Variants in SLC66A3 observed in about 807,000 individuals in gnomAD.
The protein encoded by SLC66A3 is solute carrier family 66 member 3.
SLC66A3 carries 23 observed loss-of-function variants against 25.5 expected under a neutral mutation model. The ratio of observed to expected loss-of-function variants is 0.90; its 90% CI spans 0.65 to 1.28. The LOEUF (loss-of-function observed/expected upper bound fraction) is 1.28, where lower values mean the gene tolerates loss of function less well. Among genes scored for constraint, SLC66A3 ranks in the 50% most tolerant of loss-of-function variants. The pLI is 0.00. For missense variants in SLC66A3, 246 were observed against 262.1 expected (o/e 0.94, Z 0.42); for synonymous variants, 108 against 112.6 (o/e 0.96, Z 0.26).
intron 4 of SLC66A3, among the ~76,000 whole-genome samples, chr2:11,165,943 T>G (rs900581442): frequency 1.3e-5 from 2 of 152,196 alleles, no homozygotes; most frequent in Non-Finnish European, 2.9e-5. Flanking sequence ...GCAGGGAGGT[T>G]GCAGTGAGCC....
At position 11,163,443 on chromosome 2, in the gene SLC66A3, C is replaced by T. The variant is rs80095191; in HGVS notation, c.297-761C>T. ...TGATCAGGCTGTGAGTATTTAGTTC[C>T]ACTGACTTTTAGCACAGGGCATTGT... On this transcript the variant is annotated intron_variant, in intron 3 of 6. Coordinates refer to ENST00000295083, the MANE Select transcript of SLC66A3 (RefSeq NM_152391.5). Among the ~76,000 whole-genome samples the T allele has an allele frequency of 6.6e-3, 1,003 of 152,302 alleles. 7 individuals are homozygous for T. The highest frequency in any genetic ancestry group is 0.023 in the African/African-American group (969 of 41,554).
chr2:11,176,120 T>C (rs968390813), intron 6 of SLC66A3, among the ~76,000 whole-genome samples: 1 of 152,182 alleles, frequency 6.6e-6, no homozygotes, highest in African/African-American at 2.4e-5. Flanking sequence ...ACCTATACAT[T>C]AGAAATTAAA....
intron 6 of SLC66A3, among the ~76,000 whole-genome samples, 171 bp downstream of exon 6, chr2:11,175,180 C>T (rs1662694169): frequency 6.6e-6 from 1 of 152,174 alleles, no homozygotes; most frequent in Non-Finnish European, 1.5e-5. Context: ...TATTGTTAAG[C>T]CTCTCCTTCT....
At chr2:11,166,531 T>C (rs1662351195) in intron 4 of SLC66A3, among the ~76,000 whole-genome samples, 1 of 152,186 alleles carries the variant, frequency 6.6e-6, no homozygotes, top group Non-Finnish European at 1.5e-5. Flanking sequence ...CCCTGTGACT[T>C]GGGAGAGCAA....
chr2:11,168,077 A>C (rs1026998788), intron 4 of SLC66A3, among the ~76,000 whole-genome samples: 1 of 152,158 alleles, frequency 6.6e-6, no homozygotes, highest in Non-Finnish European at 1.5e-5. Flanking sequence ...TCAGGAGATC[A>C]AGACCATCCT....
intron 6 of SLC66A3, among the ~76,000 whole-genome samples, chr2:11,176,166 T>A (rs921556819): frequency 6.6e-6 from 1 of 152,218 alleles, no homozygotes; most frequent in Non-Finnish European, 1.5e-5. Flanking sequence ...TTATTTCTTA[T>A]CTATGACAGC....
At chr2:11,165,764 G>A (rs760743085) in intron 4 of SLC66A3, among the ~76,000 whole-genome samples, 6 of 152,226 alleles carry the variant, frequency 3.9e-5, no homozygotes, top group South Asian at 2.1e-4. Flanking sequence ...CTGCAATCCC[G>A]GCACCTCGGG....
At chr2:11,169,520 C>T (rs1339598463) in intron 4 of SLC66A3, among the ~76,000 whole-genome samples, 1 of 152,146 alleles carries the variant, frequency 6.6e-6, no homozygotes, top group African/African-American at 2.4e-5. Flanking sequence ...CTTCTTGAAT[C>T]ACTGCCCACC....
At chr2:11,164,079 T>C in intron 3 of SLC66A3, 125 bp from the exon 4 acceptor site, 1 of 582,302 alleles carries the variant, frequency 1.7e-6, no homozygotes, top group South Asian at 1.9e-5. Context: ...TCTGGTAGCA[T>C]GTCCTCCCCT....
At position 11,155,640 on chromosome 2, in the gene SLC66A3, C is replaced by T; in HGVS notation, c.94C>T (p.Arg32Cys). 4 of 1,511,784 alleles carry T rather than the reference C, an allele frequency of 2.6e-6. No homozygotes were observed. The highest frequency in any genetic ancestry group is 1.4e-5 in the African/African-American group (1 of 69,502). 93.6% of individuals were successfully genotyped at this position (1,511,784 alleles called of 1,614,324 possible). A position where few individuals can be genotyped will look rare whatever the true frequency, so the allele number is the denominator to read the frequency against. The change falls in exon 1 of 7, where the codon CGC (arginine) becomes TGC (cysteine). Residue 32 changes from arginine (R) to cysteine (C), a missense_variant. By Grantham distance (180) the Arg-to-Cys change is radical. Around this residue, in one of 3 missense-constraint regions of SLC66A3, gnomAD observed 142 missense variants for 130.3 expected, o/e 1.09. Transcript: ENST00000295083. ...GCAGATCTCCGCTGTGCTAGCGGCG[C>T]GCAGCGCGCGGGGCCTCAGCCTTCC... ...LPQISAVLAA[R>C]SARGLSLPSL... is the part of the protein sequence containing the mutation.
intron 1 of SLC66A3, among the ~76,000 whole-genome samples, chr2:11,160,084 AGGGGCAGCTGCCG>A (rs1197441783): frequency 6.6e-6 from 1 of 152,136 alleles, no homozygotes; most frequent in Non-Finnish European, 1.5e-5. Flanking sequence ...GCAGCAGCTG[AGGGGCAGCTGCCG>A]GGGTCAGTGG....
chr2:11,168,394 A>G (rs1020918792), intron 4 of SLC66A3, among the ~76,000 whole-genome samples: 1 of 152,046 alleles, frequency 6.6e-6, no homozygotes, highest in African/African-American at 2.4e-5. Context: ...AATTAATGTG[A>G]TAAGACATTC....
intron 4 of SLC66A3, among the ~76,000 whole-genome samples, chr2:11,168,586 C>T (rs942802222): frequency 5.9e-5 from 9 of 152,080 alleles, no homozygotes; most frequent in African/African-American, 1.7e-4. Context: ...CTTCCCATTC[C>T]GCACCGACTC....
intron 3 of SLC66A3, among the ~76,000 whole-genome samples, chr2:11,161,727 C>T (rs1054214351): frequency 6.6e-6 from 1 of 152,176 alleles, no homozygotes; most frequent in Non-Finnish European, 1.5e-5. Flanking sequence ...TGGTATGTTA[C>T]CCAGACTAGT....
intron 4 of SLC66A3, among the ~76,000 whole-genome samples, chr2:11,166,809 C>T (rs73175653): frequency 0.084 from 12,782 of 152,252 alleles, 1,795 homozygotes; most frequent in African/African-American, 0.29. Context: ...TCAGGAGAAT[C>T]GCTTCAACCC....
intron 4 of SLC66A3, among the ~76,000 whole-genome samples, chr2:11,170,480 A>G (rs1412012846): frequency 6.6e-6 from 1 of 152,130 alleles, no homozygotes; most frequent in Non-Finnish European, 1.5e-5. Flanking sequence ...CACACAGACT[A>G]TCAGAATAGC....
intron 4 of SLC66A3, among the ~76,000 whole-genome samples, chr2:11,168,450 A>C (rs548672284): frequency 6.6e-6 from 1 of 152,288 alleles, no homozygotes; most frequent in South Asian, 2.1e-4. Flanking sequence ...AGGACTGTAA[A>C]AATAGCTTTG....
intron 5 of SLC66A3, among the ~76,000 whole-genome samples, chr2:11,174,592 G>A (rs890027174): frequency 6.6e-6 from 1 of 151,886 alleles, no homozygotes; most frequent in Non-Finnish European, 1.5e-5. Context: ...TGCCTCCCAG[G>A]TTCAAGCGAT....
At position 11,155,572 on chromosome 2, in the gene SLC66A3, G is replaced by T; in HGVS notation, c.26G>T (p.Cys9Phe). The T allele has an allele frequency of 6.6e-7, 1 of 1,513,520 alleles. No individual in the cohort carries two copies. The highest frequency in any genetic ancestry group is 8.8e-7 in the Non-Finnish European group (1 of 1,140,340). 93.8% of individuals were successfully genotyped at this position (1,513,520 alleles called of 1,614,324 possible). MEAALLGL[C>F]NWSTLGVCAA... Reference sequence around the variant, plus strand: ...ATGGAGGCGGCGCTGCTGGGGCTGTGTAACTGGAGCACGCTGGGCGTGTGC... The same window carrying T: ...ATGGAGGCGGCGCTGCTGGGGCTGTTTAACTGGAGCACGCTGGGCGTGTGC... Residue 9 changes from cysteine to phenylalanine, a missense_variant, in exon 1 of 7, where the codon TGT becomes TTT. Physicochemically the swap from Cys to Phe is radical, Grantham distance 205 (BLOSUM62 -2). Around this residue, in one of 3 missense-constraint regions of SLC66A3, gnomAD observed 142 missense variants for 130.3 expected, o/e 1.09. Coordinates refer to ENST00000295083, the MANE Select transcript of SLC66A3 (RefSeq NM_152391.5).
Sources: gnomAD v4.1 joint callset for allele counts (sites outside exome capture counted in the v4.1 genomes callset) on GRCh38, gnomAD v4.1.1 for gene constraint, gnomAD v4.1.1 regional missense constraint, MANE v1.5 for transcripts, NCBI Gene and HGNC (gene_info 2026-07-23, HGNC 2026-07-21) for gene names.